The following HSPG2 variants were observed in gnomAD, a reference collection of about 807,000 sequenced individuals.
HSPG2 encodes heparan sulfate proteoglycan 2, also known as basement membrane-specific heparan sulfate proteoglycan core protein.
A neutral mutation model predicts 526.6 loss-of-function variants in HSPG2; 278 were observed. That is an observed-to-expected ratio of 0.53 (90% CI 0.48 to 0.58). HSPG2 has a LOEUF of 0.58. Ranked by LOEUF, HSPG2 falls within the 20% of genes least tolerant of loss-of-function variation. HSPG2 has a pLI of 0.00. For synonymous variants in HSPG2, 2,465 were observed against 2,555.4 expected (o/e 0.96, Z 1.07); for missense variants, 5,354 against 6,099.5 (o/e 0.88, Z 4.07).
Position 21,843,418 on chromosome 1 carries a change from C to A in HSPG2, c.8637G>T (p.Arg2879Ser). The A allele has an allele frequency of 6.2e-7, 1 of 1,613,498 alleles. No homozygotes were observed. The highest frequency in any genetic ancestry group is 8.5e-7 in the Non-Finnish European group (1 of 1,179,708). The change falls in exon 66 of 97, where the codon AGG becomes AGT. Residue 2879 changes from arginine (R) to serine (S), a missense_variant. Coordinates refer to ENST00000374695, the MANE Select transcript of HSPG2 (RefSeq NM_005529.7). ...ARHQVHGPLL[R>S]LNQVSPADSG... Reference sequence around the variant, plus strand: ...AGTCAGCCGGGGACACCTGGTTCAGCCTCAGCAGTGGGCCGTGGACCTGGC... The same window carrying A: ...AGTCAGCCGGGGACACCTGGTTCAGACTCAGCAGTGGGCCGTGGACCTGGC...
At chr1:21,900,421 C>T (rs1308907428) in intron 1 of HSPG2, among the ~76,000 whole-genome samples, 1 of 152,144 alleles carries the variant, frequency 6.6e-6, no homozygotes, top group East Asian at 1.9e-4. Context: ...GCACCCAATC[C>T]CAGAGGTGGG....
chr1:21,873,513 G>C (rs1640814453), intron 29 of HSPG2, 89 bp from the exon 30 acceptor site: 21 of 1,231,908 alleles, frequency 1.7e-5, no homozygotes, highest in African/African-American at 3.0e-5. Flanking sequence ...GAATTCAATG[G>C]CCTCATGCAC....
At chr1:21,907,989 G>T in intron 1 of HSPG2, 1 of 617,934 alleles carries the variant, frequency 1.6e-6, no homozygotes, top group Non-Finnish European at 3.0e-6. Flanking sequence ...GCTGTTGTGA[G>T]GGTTAAATAC....
chr1:21,843,162 G>T, intron 66 of HSPG2, 135 bp downstream of exon 66: 1 of 1,313,192 alleles, frequency 7.6e-7, no homozygotes. Flanking sequence ...CACCTGGGTT[G>T]GCTTGATCCT....
At chr1:21,843,681 CT>C (rs1341053800) in intron 65 of HSPG2, among the ~76,000 whole-genome samples, 1 of 152,086 alleles carries the variant, frequency 6.6e-6, no homozygotes, top group Non-Finnish European at 1.5e-5. Flanking sequence ...GTGTCTCGCT[CT>C]GTCATCCAGG....
In HSPG2 at chr1:21,824,918, G is replaced by T; in HGVS notation, c.12590-139C>A. The T allele has an allele frequency of 1.3e-6, 1 of 762,478 alleles. No individual in the cohort carries two copies. The highest frequency in any genetic ancestry group is 2.3e-6 in the Non-Finnish European group (1 of 433,054). 47.2% of individuals were successfully genotyped at this position (762,478 alleles called of 1,614,324 possible). A position where few individuals can be genotyped will look rare whatever the true frequency, so the allele number is the denominator to read the frequency against. On this transcript the variant is annotated intron_variant, in intron 91 of 96. Coordinates refer to ENST00000374695, the MANE Select transcript of HSPG2 (RefSeq NM_005529.7). The surrounding 1 kb of genome is among the most constrained non-coding windows in gnomAD (Gnocchi z 5.9). ...CTGCAGTCCCTGGGGACCCACGGGG[G>T]CTGCCAACAGAATTCAGGGAGCCTA...
chr1:21,860,124 C>T lies in HSPG2; in HGVS notation c.5014+53G>A, dbSNP rs545809488. The T allele has an allele frequency of 2.5e-6, 4 of 1,609,916 alleles. No homozygotes were observed. In the South Asian group the frequency reaches 4.4e-5, roughly 18 times the overall value. ...CCAGACCCAGTATCCCCCAAATTCCCAGGGCTCCCTGCCTTGCCCATCGTC... is the reference window on the plus strand; with the variant it reads ...CCAGACCCAGTATCCCCCAAATTCCTAGGGCTCCCTGCCTTGCCCATCGTC... On this transcript the variant is annotated intron_variant, in intron 40 of 96. Coordinates refer to ENST00000374695, the MANE Select transcript of HSPG2 (RefSeq NM_005529.7).
chr1:21,880,539 A>T lies in HSPG2; in HGVS notation c.2019T>A (p.Ser673=), dbSNP rs551540891. 2.5e-6 allele frequency: 4 copies of T among 1,613,562 alleles called. No homozygotes were observed. The highest frequency in any genetic ancestry group is 2.7e-5 in the African/African-American group (2 of 75,048). Residue 673 remains serine, a synonymous_variant, in exon 16 of 97, where the codon TCT becomes TCA. Coordinates refer to ENST00000374695, the MANE Select transcript of HSPG2 (RefSeq NM_005529.7). ...GCTCCGCGCGCTGCACCGGCCGGCC[A>T]GACTCATGGACCCAGTGCTCCTGGG... is the stretch of plus-strand genomic sequence containing the variant. ...QFSEEHWVHE[S]GRPVQRAELL... is the part of the protein sequence containing the mutation.
chr1:21,925,823 G>C (rs1476893978), intron 1 of HSPG2, among the ~76,000 whole-genome samples: 1 of 152,060 alleles, frequency 6.6e-6, no homozygotes, highest in Non-Finnish European at 1.5e-5. Context: ...TCCCAGGTGT[G>C]GCACGTACTG....
rs1639498381 is a variant in HSPG2 at position 21,858,223 on chromosome 1, A to C, written c.5294-838T>G. ...CGCTCTTGTCAAAGCATGACCTCCA[A>C]GGGCTATTTCTCTGCCCTTATGTGA... On this transcript the variant is annotated intron_variant, in intron 42 of 96. Coordinates refer to ENST00000374695, the MANE Select transcript of HSPG2 (RefSeq NM_005529.7). This position sits in a 1 kb window ranked among gnomAD's most constrained non-coding sequence, Gnocchi z 4.2. Among the ~76,000 whole-genome samples the C allele has an allele frequency of 6.6e-6, 1 of 152,046 alleles. No homozygotes were observed. Among genetic ancestry groups the C allele is most frequent in the African/African-American group, 2.4e-5 (1 of 41,324 alleles).
At position 21,872,582 on chromosome 1, in the gene HSPG2, G is replaced by A. The variant is rs762069309; in HGVS notation, c.4029+38C>T. On this transcript the variant is annotated intron_variant, in intron 32 of 96. Coordinates refer to ENST00000374695, the MANE Select transcript of HSPG2 (RefSeq NM_005529.7). This position sits in a 1 kb window ranked among gnomAD's most constrained non-coding sequence, Gnocchi z 5.5. ...AGATGGACAGTAACAGGCAGCAGGT[G>A]GCAACACCGCCTGGGGCTGGGCAGC... The A allele has an allele frequency of 4.5e-6, 7 of 1,561,908 alleles. No homozygotes were observed. The highest frequency in any genetic ancestry group is 5.2e-6 in the Non-Finnish European group (6 of 1,153,646).
In HSPG2 at chr1:21,823,414, C is replaced by T. The variant is rs559664510; in HGVS notation, c.13078G>A (p.Val4360Met). 1.2e-5 allele frequency: 19 copies of T among 1,582,756 alleles called. No individual in the cohort carries two copies. The South Asian group carries it at 1.6e-4, about 13-fold the overall frequency. The change falls in exon 97 of 97, where the codon GTG becomes ATG. Residue 4360 changes from valine to methionine, a missense_variant. By Grantham distance (21) the Val-to-Met change is conservative. Coordinates refer to ENST00000374695, the MANE Select transcript of HSPG2 (RefSeq NM_005529.7). ...GCGCCGGGTCGGGCCGAGTGCAGCA[C>T]CAGGTTCTTGACACAGCCTGTGATG... ...SGITGCVKNL[V>M]LHSARPGAPP... is the part of the protein sequence containing the mutation.
chr1:21,880,012 T>C (rs1449679148), intron 17 of HSPG2, 95 bp downstream of exon 17: 1 of 1,425,488 alleles, frequency 7.0e-7, no homozygotes, highest in Non-Finnish European at 9.9e-7. Flanking sequence ...ATGACAGTCA[T>C]TCTGGAGGCT....
At chr1:21,886,092 C>T (rs148179678) in intron 9 of HSPG2, among the ~76,000 whole-genome samples, 10 of 152,350 alleles carry the variant, frequency 6.6e-5, no homozygotes, top group Non-Finnish European at 8.8e-5. Flanking sequence ...AGAGCAGGTG[C>T]GAGAGGAGAC....
chr1:21,859,867 G>A lies in HSPG2; in HGVS notation c.5150C>T (p.Pro1717Leu). 1.9e-6 allele frequency: 3 copies of A among 1,611,552 alleles called. No individual in the cohort carries two copies. The highest frequency in any genetic ancestry group is 2.5e-6 in the Non-Finnish European group (3 of 1,179,694). The change falls in exon 41 of 97, where the codon CCT (proline) becomes CTT (leucine). Residue 1717 changes from proline to leucine, a missense_variant. By Grantham distance (98) the Pro-to-Leu change is moderately conservative (BLOSUM62 -3). Coordinates refer to ENST00000374695, the MANE Select transcript of HSPG2 (RefSeq NM_005529.7). This position sits in a 1 kb window ranked among gnomAD's most constrained non-coding sequence, Gnocchi z 5.3. ...TCGCTGCTGGGTGCCGCTGGGCACA[G>A]GCCGCCCATCCTCACGGGACCAATA... ...YFYWSREDGR[P>L]VPSGTQQRHQ...
Position 21,842,825 on chromosome 1 carries a change from G to T in HSPG2, c.8855C>A (p.Ala2952Asp). 1.9e-6 allele frequency: 3 copies of T among 1,613,998 alleles called. No individual in the cohort carries two copies. Among genetic ancestry groups the T allele is most frequent in the Non-Finnish European group, 2.5e-6 (3 of 1,180,028 alleles). The change falls in exon 67 of 97, where the codon GCC becomes GAC. Residue 2952 changes from alanine (A) to aspartate (D), a missense_variant. By Grantham distance (126) the Ala-to-Asp change is moderately radical. Coordinates refer to ENST00000374695, the MANE Select transcript of HSPG2 (RefSeq NM_005529.7). ...CTTGTACCACGTGACCTGGGCATGG[G>T]CCTGCCCGGGCACCACACAGTTCAG... ...LDLNCVVPGQ[A>D]HAQVTWYKRG...
Position 21,842,932 on chromosome 1 carries a change from AG to A in HSPG2, c.8759-12del, listed in dbSNP as rs1280819448. On this transcript the variant is annotated splice_polypyrimidine_tract_variant and intron_variant, in intron 66 of 96. Transcript: ENST00000374695. ...GGGCCAGTCCTGGAGCTGTGGGCAC[AG>A]GGGGTGGGTGAGAGAGGCCAGGCTC... is the stretch of plus-strand genomic sequence containing the variant. The A allele has an allele frequency of 1.9e-6, 3 of 1,613,970 alleles. No homozygotes were observed. The Admixed American group carries it at 5.0e-5, about 27-fold the overall frequency.
Position 21,857,170 on chromosome 1 carries a change from GT to G in HSPG2, c.5419del (p.Thr1807ProfsTer19). ...SKSPAYTLVWTRLHNGKLPTR... is the reference protein window; with the variant it reads ...SKSPAYTLVWXRLHNGKLPTR... ...GGGCAGTTTCCCGTTGTGCAGGCGG[GT>G]CCACACCAGGGTATAGGCTGGGGAC... On this transcript the variant is annotated frameshift_variant, in exon 44 of 97. Transcript: ENST00000374695. LOFTEE classifies it high-confidence loss of function. 1 of 1,614,126 alleles carries G rather than the reference GT, an allele frequency of 6.2e-7. No homozygotes were observed. The highest frequency in any genetic ancestry group is 8.5e-7 in the Non-Finnish European group (1 of 1,180,022).
chr1:21,847,057 G>C lies in HSPG2; in HGVS notation c.8164+297C>G, dbSNP rs1638495287. Among the ~76,000 whole-genome samples, 1 of 152,036 alleles carries C rather than the reference G, an allele frequency of 6.6e-6. No individual in the cohort carries two copies. Among genetic ancestry groups the C allele is most frequent in the Non-Finnish European group, 1.5e-5 (1 of 68,026 alleles). On this transcript the variant is annotated intron_variant, in intron 62 of 96. Transcript: ENST00000374695. The surrounding 1 kb of genome is among the most constrained non-coding windows in gnomAD (Gnocchi z 4.1). Reference sequence around the variant, plus strand: ...TTATAAAGCACTTCTGGCATGCCAGGCACGCTCTAAGCACATTACATGCAC... The same window carrying C: ...TTATAAAGCACTTCTGGCATGCCAGCCACGCTCTAAGCACATTACATGCAC...
Sources: gnomAD v4.1 joint callset for allele counts (sites outside exome capture counted in the v4.1 genomes callset) on GRCh38, gnomAD v4.1.1 for gene constraint, Gnocchi (gnomAD v3.1) non-coding constraint, MANE v1.5 for transcripts, NCBI Gene and HGNC (gene_info 2026-07-23, HGNC 2026-07-21) for gene names.